The following KRI1 variants were observed in gnomAD, a reference collection of about 807,000 sequenced individuals.
KRI1 encodes protein KRI1 homolog.
In KRI1, 83 loss-of-function variants were observed where a neutral mutation model predicts 97.0. That is an observed-to-expected ratio of 0.86 (90% confidence interval 0.72 to 1.03). The LOEUF is 1.03. KRI1 is among the 50% of genes least tolerant of loss of function. KRI1 has a pLI of 0.00. For missense variants in KRI1, 916 were observed against 928.4 expected (o/e 0.99, Z 0.17); for synonymous variants, 371 against 363.5 (o/e 1.02, Z -0.23).
chr19:10,565,206 G>T (rs1041136996), intron 2 of KRI1, 172 bp from the exon 3 acceptor site: 1 of 638,692 alleles, frequency 1.6e-6, no homozygotes, highest in Non-Finnish European at 2.8e-6. Context: ...GGGTGGGCAG[G>T]GGCAGGCCAC....
intron 16 of KRI1, among the ~76,000 whole-genome samples, chr19:10,555,723 C>T (rs1916483474): frequency 6.6e-6 from 1 of 152,218 alleles, no homozygotes; most frequent in Non-Finnish European, 1.5e-5. Flanking sequence ...CATTCCCAGC[C>T]TCTAGGCCTG....
chr19:10,557,923 C>T, intron 14 of KRI1, 28 bp from the exon 15 acceptor site: 1 of 1,613,738 alleles, frequency 6.2e-7, no homozygotes, highest in Non-Finnish European at 8.5e-7. Flanking sequence ...TCAGATCCCA[C>T]CAGCCCCCCG....
At chr19:10,557,725 G>A (rs758583131) in intron 15 of KRI1, 43 bp from the exon 16 acceptor site, 26 of 1,613,882 alleles carry the variant, frequency 1.6e-5, no homozygotes, top group South Asian at 7.7e-5. Flanking sequence ...GCCAGGCCCC[G>A]CGGTGCCCCC....
chr19:10,558,093 G>A (rs1185715042), intron 13 of KRI1, 33 bp from the exon 14 acceptor site: 2 of 1,613,744 alleles, frequency 1.2e-6, no homozygotes, highest in Non-Finnish European at 8.5e-7. Flanking sequence ...GGTGGGGCCA[G>A]GGTGGGACCT....
chr19:10,557,359 G>A (rs1007240686), intron 16 of KRI1, among the ~76,000 whole-genome samples, 193 bp downstream of exon 16: 3 of 151,936 alleles, frequency 2.0e-5, no homozygotes, highest in East Asian at 1.9e-4. Flanking sequence ...CACTTGCCTC[G>A]GTCTCCCAAA....
Position 10,561,784 on chromosome 19 carries a change from C to T in KRI1, c.438+7G>A, listed in dbSNP as rs369105986. ...CAGCCCCCCGACCCAGCCTTCACCC[C>T]ACCCACCTGGAGTCTGTGATTGGAA... On this transcript the variant is annotated splice_region_variant and intron_variant, in intron 5 of 18. Transcript: ENST00000312962. 6.3e-5 allele frequency: 102 copies of T among 1,613,942 alleles called. No homozygotes were observed. The highest frequency in any genetic ancestry group is 8.1e-5 in the Non-Finnish European group (96 of 1,179,954).
rs777508827 is a variant in KRI1 at position 10,562,764 on chromosome 19, C to T, written c.348G>A (p.Lys116=). The part of the protein sequence containing the change: ...KQKKVRPMYL[K]DYERKVILEK... ...CCAAGATAACCTTCCTCTCGTAGTC[C>T]TTCAGGTACATGGGCCGCACTTTCT... The change falls in exon 4 of 19, where the codon AAG becomes AAA. Residue 116 remains lysine, a synonymous_variant. Coordinates refer to ENST00000312962, the MANE Select transcript of KRI1 (RefSeq NM_023008.5). 7 of 1,611,632 alleles carry T rather than the reference C, an allele frequency of 4.3e-6. No homozygotes were observed. Among genetic ancestry groups the T allele is most frequent in the Non-Finnish European group, 5.9e-6 (7 of 1,177,836 alleles).
chr19:10,565,362 C>T, intron 2 of KRI1: 1 of 528,192 alleles, frequency 1.9e-6, no homozygotes, highest in Non-Finnish European at 3.3e-6. Context: ...ACAGTGGGGC[C>T]AGGATCAGGG....
At position 10,553,943 on chromosome 19, in the gene KRI1, C is replaced by T; in HGVS notation, c.*8G>A. 6.3e-7 allele frequency: 1 copy of T among 1,580,318 alleles called. No homozygotes were observed. ...AGGAGCCTGAGGCCCCTGCCTGCTC[C>T]CTGGTGCTCAGGAGCTGTTCTTGGG... On this transcript the variant is annotated 3_prime_UTR_variant, in exon 19 of 19. Coordinates refer to ENST00000312962, the MANE Select transcript of KRI1 (RefSeq NM_023008.5).
chr19:10,560,879 A>G, intron 8 of KRI1, 124 bp downstream of exon 8: 1 of 729,818 alleles, frequency 1.4e-6, no homozygotes, highest in South Asian at 1.7e-5. Flanking sequence ...CCATTTAAAG[A>G]GATGTAGGAG....
chr19:10,553,686 C>G lies in KRI1; in HGVS notation c.*265G>C. 1 of 414,704 alleles carries G rather than the reference C, an allele frequency of 2.4e-6. No individual in the cohort carries two copies. Among genetic ancestry groups the G allele is most frequent in the Non-Finnish European group, 4.3e-6 (1 of 232,382 alleles). The allele number at this position is 414,704 out of a possible 1,614,324, so 25.7% of individuals were successfully genotyped here. ...AAACTCATGGCCTTAAGTGATCTTC[C>G]TTCCCCAGCCTCCTGAGTAGCTGGG... is the stretch of plus-strand genomic sequence containing the variant. On this transcript the variant is annotated 3_prime_UTR_variant, in exon 19 of 19. Coordinates refer to ENST00000312962, the MANE Select transcript of KRI1 (RefSeq NM_023008.5).
intron 11 of KRI1, 26 bp from the exon 12 acceptor site, chr19:10,559,555 G>C (rs1368650417): frequency 6.2e-7 from 1 of 1,613,828 alleles, no homozygotes; most frequent in South Asian, 1.1e-5. Context: ...GAGAGGGGGA[G>C]GGCATGGGCT....
rs769903412 is a variant in KRI1, at chr19:10,565,669, G to T, written c.168+48C>A. On this transcript the variant is annotated intron_variant, in intron 2 of 18. Transcript: ENST00000312962. The stretch of plus-strand genomic sequence containing the variant: ...TCTACATCGGGGTCGGGGTGCAGAG[G>T]GGGGCTTGGACGCCTCCGCACGTCC... 5.0e-5 allele frequency: 76 copies of T among 1,527,684 alleles called. No individual in the cohort carries two copies. In the Admixed American group the frequency reaches 1.5e-3, roughly 30 times the overall value. The allele number at this position is 1,527,684 out of a possible 1,614,324, so 94.6% of individuals were successfully genotyped here. A position where few individuals can be genotyped will look rare whatever the true frequency, so the allele number is the denominator to read the frequency against.
Position 10,561,790 on chromosome 19 carries a change from C to T in KRI1, c.438+1G>A, listed in dbSNP as rs1268782018. On this transcript the variant is annotated splice_donor_variant, in intron 5 of 18. Transcript: ENST00000312962. LOFTEE classifies it high-confidence loss of function. Reference sequence around the variant, plus strand: ...CCCGACCCAGCCTTCACCCCACCCACCTGGAGTCTGTGATTGGAAGTCTCC... The same window carrying T: ...CCCGACCCAGCCTTCACCCCACCCATCTGGAGTCTGTGATTGGAAGTCTCC... 4 of 1,613,930 alleles carry T rather than the reference C, an allele frequency of 2.5e-6. No homozygotes were observed. In the Admixed American group the frequency reaches 6.7e-5, roughly 27 times the overall value.
intron 17 of KRI1, 25 bp from the exon 18 acceptor site, chr19:10,555,210 G>C (rs199581846): frequency 3.6e-6 from 2 of 560,992 alleles, no homozygotes; most frequent in African/African-American, 2.4e-5. Flanking sequence ...CCCTGTGTTG[G>C]GTGCTCTGGG....
In KRI1 at chr19:10,565,026, A is replaced by T; in HGVS notation, c.177T>A (p.Asp59Glu). 6.2e-7 allele frequency: 1 copy of T among 1,608,694 alleles called. No homozygotes were observed. The highest frequency in any genetic ancestry group is 2.2e-5 in the East Asian group (1 of 44,836). Reference sequence around the variant, plus strand: ...TGTAAAAGTCCCGCTCCTGCTGGGGATCAAATTCCTAGGGCAGGAAAAGGG... The same window carrying T: ...TGTAAAAGTCCCGCTCCTGCTGGGGTTCAAATTCCTAGGGCAGGAAAAGGG... The part of the protein sequence containing the change: ...SDSSDERVEF[D>E]PQQERDFYKT... The change falls in exon 3 of 19, where the codon GAT becomes GAA. Residue 59 changes from aspartate to glutamate, a missense_variant. Around this residue, in one of 3 missense-constraint regions of KRI1, gnomAD observed 173 missense variants for 153.1 expected, o/e 1.13. Coordinates refer to ENST00000312962, the MANE Select transcript of KRI1 (RefSeq NM_023008.5).
rs778985203 is a variant in KRI1, at chr19:10,555,093, C to T, written c.1775G>A (p.Arg592Gln). The change falls in exon 18 of 19, where the codon CGA becomes CAA. Residue 592 changes from arginine to glutamine, a missense_variant. Transcript: ENST00000312962. ...CCCAGCCAGCACTGCTTACTCTTCTCGGCAGAGTGACTTGAAGACCTGCCG... is the reference window on the plus strand; with the variant it reads ...CCCAGCCAGCACTGCTTACTCTTCTTGGCAGAGTGACTTGAAGACCTGCCG... ...KKRQVFKSLC[R>Q]EEAETPAEAT... 16 of 1,613,464 alleles carry T rather than the reference C, an allele frequency of 9.9e-6. No individual in the cohort carries two copies. Among genetic ancestry groups the T allele is most frequent in the South Asian group, 9.9e-5 (9 of 91,054 alleles).
In KRI1 at chr19:10,553,580, T is replaced by TTAA. The variant is rs201847069; in HGVS notation, c.*370_*371insTTA. On this transcript the variant is annotated 3_prime_UTR_variant, in exon 19 of 19. Transcript: ENST00000312962. ...ACAGCTACACGTGTTTTTTAATTTT[T>TTAA]TTTTTTTTTTCAAGAGACAGGGTCT... 0.012 allele frequency: 2,194 copies of TTAA among 187,566 alleles called. 35 individuals carry two copies. The highest frequency in any genetic ancestry group is 0.018 in the Non-Finnish European group (1,675 of 91,638). 11.6% of individuals were successfully genotyped at this position (187,566 alleles called of 1,614,324 possible). A position where few individuals can be genotyped will look rare whatever the true frequency, so the allele number is the denominator to read the frequency against.
intron 12 of KRI1, among the ~76,000 whole-genome samples, chr19:10,558,995 GCA>G: frequency 6.9e-6 from 1 of 144,470 alleles, no homozygotes; most frequent in South Asian, 2.3e-4. Context: ...GTGAGCCACT[GCA>G]CCCGGCCAGG....
Sources: gnomAD v4.1 joint callset for allele counts (sites outside exome capture counted in the v4.1 genomes callset) on GRCh38, gnomAD v4.1.1 for gene constraint, gnomAD v4.1.1 regional missense constraint, MANE v1.5 for transcripts, NCBI Gene and HGNC (gene_info 2026-07-23, HGNC 2026-07-21) for gene names.